The following TRIM44 variants were observed in gnomAD, a reference collection of about 807,000 sequenced individuals.
TRIM44 encodes tripartite motif-containing protein 44.
A neutral mutation model predicts 37.4 loss-of-function variants in TRIM44; 13 were observed. The ratio of observed to expected loss-of-function variants is 0.35; its 90% CI spans 0.23 to 0.55. TRIM44 has a LOEUF of 0.55. Among genes scored for constraint, TRIM44 ranks in the 20% least tolerant of loss-of-function variants. The pLI, the probability that TRIM44 is intolerant of heterozygous loss-of-function variation, is 0.89. For missense variants in TRIM44, 426 were observed against 437.2 expected (o/e 0.97, Z 0.23); for synonymous variants, 175 against 157.2 (o/e 1.11, Z -0.85).
rs11525351 is a variant in TRIM44 at position 35,706,857 on chromosome 11, C to G, written c.748-19067C>G. ...ATTCCCTTTGAAAACTGGCACAAGA[C>G]AGGGATGCCCTCTCTCACCACTCCT... On this transcript the variant is annotated intron_variant, in intron 2 of 4. Transcript: ENST00000299413. Among the ~76,000 whole-genome samples, 2,077 of 151,190 alleles carry G rather than the reference C, an allele frequency of 0.014. 114 individuals are homozygous for G. The East Asian group carries it at 0.14, about 10-fold the overall frequency.
chr11:35,707,169 T>C (rs1267898849), intron 2 of TRIM44, among the ~76,000 whole-genome samples: 1 of 152,078 alleles, frequency 6.6e-6, no homozygotes, highest in Non-Finnish European at 1.5e-5. Flanking sequence ...CACAATTGCT[T>C]CAAAGAGAAT....
At chr11:35,796,150 A>T (rs1023518192) in intron 4 of TRIM44, among the ~76,000 whole-genome samples, 1 of 152,254 alleles carries the variant, frequency 6.6e-6, no homozygotes, top group African/African-American at 2.4e-5. Flanking sequence ...TATACTTCCA[A>T]CTTCCTACAA....
intron 1 of TRIM44, among the ~76,000 whole-genome samples, chr11:35,670,038 G>A (rs1263313329): frequency 6.6e-6 from 1 of 152,060 alleles, no homozygotes; most frequent in Non-Finnish European, 1.5e-5. Flanking sequence ...GGCCAGGCTG[G>A]TCTCGAACTC....
intron 1 of TRIM44, among the ~76,000 whole-genome samples, chr11:35,683,606 C>T (rs758343726): frequency 3.3e-5 from 5 of 152,046 alleles, no homozygotes; most frequent in Non-Finnish European, 7.4e-5. Flanking sequence ...GTTGTCCCTA[C>T]CCCATAGAAA....
At chr11:35,759,443 G>A (rs894758448) in intron 4 of TRIM44, among the ~76,000 whole-genome samples, 7 of 151,968 alleles carry the variant, frequency 4.6e-5, no homozygotes, top group Middle Eastern at 3.2e-3. Flanking sequence ...CCTTGGGTTC[G>A]AACTTCTTCC....
intron 2 of TRIM44, among the ~76,000 whole-genome samples, chr11:35,722,821 C>G (rs1241405244): frequency 6.6e-6 from 1 of 152,146 alleles, no homozygotes; most frequent in African/African-American, 2.4e-5. Flanking sequence ...TTTTACCCAG[C>G]CTGTATTCAA....
intron 1 of TRIM44, among the ~76,000 whole-genome samples, chr11:35,679,861 A>G (rs768029618): frequency 6.6e-6 from 1 of 152,202 alleles, no homozygotes; most frequent in Non-Finnish European, 1.5e-5. Flanking sequence ...ACAGATGGAA[A>G]AACAGAAACC....
Position 35,816,326 on chromosome 11 carries a change from C to A in TRIM44, c.*9941C>A, listed in dbSNP as rs1295434966. ...AGGTGTGGTGCGTATCCATCCTCTT[C>A]CCAACTCAGCTCCAAAACCACACAC... On this transcript the variant is annotated 3_prime_UTR_variant, in exon 5 of 5. Coordinates refer to ENST00000299413, the MANE Select transcript of TRIM44 (RefSeq NM_017583.6). The A allele has an allele frequency of 6.6e-6, 1 of 152,184 alleles. No homozygotes were observed. The highest frequency in any genetic ancestry group is 1.5e-5 in the Non-Finnish European group (1 of 68,036). 9.4% of individuals were successfully genotyped at this position (152,184 alleles called of 1,614,324 possible).
intron 4 of TRIM44, among the ~76,000 whole-genome samples, chr11:35,786,002 T>C (rs1210999964): frequency 6.6e-6 from 1 of 152,220 alleles, no homozygotes; most frequent in Non-Finnish European, 1.5e-5. Flanking sequence ...TGTGGTTGTT[T>C]TTAGCCATGA....
chr11:35,663,778 A>G lies in TRIM44; in HGVS notation c.667A>G (p.Arg223Gly), dbSNP rs1170586419. 1.2e-6 allele frequency: 2 copies of G among 1,613,134 alleles called. No homozygotes were observed. The highest frequency in any genetic ancestry group is 1.7e-6 in the Non-Finnish European group (2 of 1,179,666). ...STLDEAFEEL[R>G]SKDSGGLKAA... ...CCTAGACGAAGCCTTTGAAGAATTA[A>G]GAGTAAGTATTGGGCCTTCAGAGCA... Residue 223 changes from arginine (R) to glycine (G), a missense_variant and splice_region_variant, in exon 1 of 5, where the codon AGA becomes GGA. Arg to Gly is a moderately radical substitution (Grantham distance 125, BLOSUM62 -2). Around this residue, in one of 2 missense-constraint regions of TRIM44, gnomAD observed 331 missense variants for 303.0 expected, o/e 1.09. Transcript: ENST00000299413.
chr11:35,772,281 C>T (rs537915797), intron 4 of TRIM44, among the ~76,000 whole-genome samples: 5 of 152,346 alleles, frequency 3.3e-5, no homozygotes, highest in South Asian at 2.1e-4. Flanking sequence ...CTCTGCTAGG[C>T]AGTGCAGAAG....
intron 2 of TRIM44, among the ~76,000 whole-genome samples, chr11:35,689,964 G>T (rs1001117351): frequency 6.6e-6 from 1 of 152,100 alleles, no homozygotes; most frequent in Admixed American, 6.6e-5. Flanking sequence ...CCTGTAACTG[G>T]TGTGCTTGAA....
In TRIM44 at chr11:35,817,316, C is replaced by T. The variant is rs1287407141; in HGVS notation, c.*10931C>T. The T allele has an allele frequency of 6.6e-6, 1 of 152,190 alleles. No individual in the cohort carries two copies. Among genetic ancestry groups the T allele is most frequent in the Non-Finnish European group, 1.5e-5 (1 of 68,032 alleles). 9.4% of individuals were successfully genotyped at this position (152,190 alleles called of 1,614,324 possible). On this transcript the variant is annotated 3_prime_UTR_variant, in exon 5 of 5. Coordinates refer to ENST00000299413, the MANE Select transcript of TRIM44 (RefSeq NM_017583.6). ...GAAGAGAGTTGAGAAGCCTCACTCC[C>T]ATCCCTGCTCTGCCACTGACAAGTT...
At chr11:35,774,727 C>A (rs1358332655) in intron 4 of TRIM44, among the ~76,000 whole-genome samples, 5 of 152,186 alleles carry the variant, frequency 3.3e-5, no homozygotes, top group Admixed American at 6.5e-5. Context: ...AATAGGGAAT[C>A]CTTTCCCCAT....
chr11:35,671,662 A>G (rs1263151458), intron 1 of TRIM44, among the ~76,000 whole-genome samples: 6 of 152,200 alleles, frequency 3.9e-5, no homozygotes, highest in Admixed American at 3.9e-4. Flanking sequence ...ATGAGCAGAA[A>G]AACAGGGTGA....
chr11:35,735,729 A>G (rs561657001), intron 4 of TRIM44, among the ~76,000 whole-genome samples: 53 of 152,280 alleles, frequency 3.5e-4, no homozygotes, highest in Admixed American at 9.2e-4. Flanking sequence ...GTAATGTAGT[A>G]TCATTATGGT....
chr11:35,699,983 A>C (rs1463850351), intron 2 of TRIM44, among the ~76,000 whole-genome samples: 1 of 152,200 alleles, frequency 6.6e-6, no homozygotes, highest in Non-Finnish European at 1.5e-5. Flanking sequence ...TTCCATGCTC[A>C]TGGGTAGGAA....
intron 4 of TRIM44, among the ~76,000 whole-genome samples, chr11:35,761,325 A>G (rs2133859903): frequency 6.6e-6 from 1 of 152,294 alleles, no homozygotes; most frequent in Non-Finnish European, 1.5e-5. Context: ...CCCGAATGGC[A>G]GAGTCTGTAC....
intron 2 of TRIM44, among the ~76,000 whole-genome samples, chr11:35,710,707 GA>G (rs567326762): frequency 5.8e-4 from 89 of 152,310 alleles, no homozygotes; most frequent in African/African-American, 2.1e-3. Context: ...TATAGAGAGG[GA>G]GACAACCCTG....
Sources: gnomAD v4.1 joint callset for allele counts (sites outside exome capture counted in the v4.1 genomes callset) on GRCh38, gnomAD v4.1.1 for gene constraint, gnomAD v4.1.1 regional missense constraint, MANE v1.5 for transcripts, NCBI Gene and HGNC (gene_info 2026-07-23, HGNC 2026-07-21) for gene names.